JMY: variants seen among roughly 807,000 people sequenced by gnomAD.
JMY encodes junction-mediating and -regulatory protein.
In JMY, 46 loss-of-function variants were observed where a neutral mutation model predicts 103.3. The ratio of observed to expected loss-of-function variants is 0.45; its 90% CI spans 0.35 to 0.57. JMY has a LOEUF of 0.57. JMY is among the 20% of genes least tolerant of loss of function. The probability of loss-of-function intolerance (pLI) is 0.00; values close to 1 mark genes in which losing one functional copy is unlikely to be tolerated. For synonymous variants in JMY, 526 were observed against 489.3 expected (o/e 1.07, Z -0.99); for missense variants, 1,238 against 1,255.2 (o/e 0.99, Z 0.21).
chr5:79,277,203 G>A (rs1745966324), intron 1 of JMY, among the ~76,000 whole-genome samples: 2 of 152,128 alleles, frequency 1.3e-5, no homozygotes, highest in African/African-American at 4.8e-5. Flanking sequence ...TGAGGACCAG[G>A]ACCATGTTTT....
At chr5:79,244,457 G>A (rs973799509) in intron 1 of JMY, among the ~76,000 whole-genome samples, 2 of 152,168 alleles carry the variant, frequency 1.3e-5, no homozygotes, top group African/African-American at 4.8e-5. Context: ...AAATTGGTTT[G>A]TCAAACATAG....
intron 7 of JMY, among the ~76,000 whole-genome samples, chr5:79,311,145 CTTCT>C (rs1346220696): frequency 5.6e-5 from 7 of 125,036 alleles, no homozygotes; most frequent in African/African-American, 1.4e-4. Flanking sequence ...CCTACCACAC[CTTCT>C]TTTTTTTTTT....
In JMY at chr5:79,327,169, A is replaced by G. The variant is rs1001424443; in HGVS notation, c.*5567A>G. 2 of 150,790 alleles carry G rather than the reference A, an allele frequency of 1.3e-5. No homozygotes were observed. The highest frequency in any genetic ancestry group is 3.9e-4 in the East Asian group (2 of 5,144). The allele number at this position is 150,790 out of a possible 1,614,324, so 9.3% of individuals were successfully genotyped here. ...ACCTACAGTTTTGGTGCTTTTAACA[A>G]TATTCCTCTTTTTCTTTAATAAAGG... is the stretch of plus-strand genomic sequence containing the variant. On this transcript the variant is annotated 3_prime_UTR_variant, in exon 11 of 11. Transcript: ENST00000396137.
At position 79,258,309 on chromosome 5, in the gene JMY, TTGTTG is replaced by T. The variant is rs1561292540; in HGVS notation, c.1033-19599_1033-19595del. On this transcript the variant is annotated intron_variant, in intron 1 of 10. Transcript: ENST00000396137. ...TCAGATATTAGGGCTTTTTTTGTTT[TTGTTG>T]TTTTTTTTTTTTTTTTGACAGGGTC... Among the ~76,000 whole-genome samples, 21 of 82,650 alleles carry T rather than the reference TTGTTG, an allele frequency of 2.5e-4. 1 individual carries two copies. Among genetic ancestry groups the T allele is most frequent in the Non-Finnish European group, 3.1e-4 (10 of 32,122 alleles). The allele number at this position is 82,650 out of a possible 152,430, so 54.2% of individuals were successfully genotyped here.
At chr5:79,277,873 T>A (rs1289756278) in intron 1 of JMY, 37 bp from the exon 2 acceptor site, 1 of 1,579,364 alleles carries the variant, frequency 6.3e-7, no homozygotes, top group Admixed American at 1.7e-5. Context: ...GTTATTAGAA[T>A]TGATTTTCTT....
intron 1 of JMY, among the ~76,000 whole-genome samples, chr5:79,270,350 A>G (rs1745712411): frequency 7.1e-6 from 1 of 140,258 alleles, no homozygotes; most frequent in Non-Finnish European, 1.5e-5. Flanking sequence ...ATATATTTAC[A>G]TAAATATTTA....
intron 4 of JMY, among the ~76,000 whole-genome samples, chr5:79,294,523 A>T (rs1468142567): frequency 6.6e-6 from 1 of 152,178 alleles, no homozygotes; most frequent in African/African-American, 2.4e-5. Flanking sequence ...TTAACCAGAA[A>T]ACCCTTTAGA....
At position 79,265,160 on chromosome 5, in the gene JMY, G is replaced by A. The variant is rs375078771; in HGVS notation, c.1033-12750G>A. Among the ~76,000 whole-genome samples, 48 of 152,216 alleles carry A rather than the reference G, an allele frequency of 3.2e-4. 1 individual carries two copies. The South Asian group carries it at 9.1e-3, about 29-fold the overall frequency. ...AGGATGGTCTTGATCTCCTGACCTC[G>A]TGATCCGCCCGCCTTGGCCTCCCAA... On this transcript the variant is annotated intron_variant, in intron 1 of 10. Coordinates refer to ENST00000396137, the MANE Select transcript of JMY (RefSeq NM_152405.5).
intron 7 of JMY, among the ~76,000 whole-genome samples, chr5:79,310,293 T>C (rs1257248542): frequency 6.6e-6 from 1 of 152,064 alleles, no homozygotes; most frequent in Non-Finnish European, 1.5e-5. Flanking sequence ...ACTGCTGCCC[T>C]TGAGTTATCT....
At chr5:79,264,684 C>A (rs539776838) in intron 1 of JMY, among the ~76,000 whole-genome samples, 4 of 152,300 alleles carry the variant, frequency 2.6e-5, no homozygotes, top group Middle Eastern at 3.4e-3. Flanking sequence ...TGGAGAGAAA[C>A]TAGGCTGATT....
rs1421341816 is a variant in JMY at position 79,326,579 on chromosome 5, T to C, written c.*4977T>C. On this transcript the variant is annotated 3_prime_UTR_variant, in exon 11 of 11. Coordinates refer to ENST00000396137, the MANE Select transcript of JMY (RefSeq NM_152405.5). ...TTTCATTGAATTTCTCATTGTATTA[T>C]ATGTCTTTCCAAGTGTGCAAACTAT... is the stretch of plus-strand genomic sequence containing the variant. 2.0e-5 allele frequency: 3 copies of C among 152,102 alleles called. No individual in the cohort carries two copies. The highest frequency in any genetic ancestry group is 4.4e-5 in the Non-Finnish European group (3 of 67,932). 9.4% of individuals were successfully genotyped at this position (152,102 alleles called of 1,614,324 possible).
rs374027732 is a variant in JMY at position 79,302,428 on chromosome 5, T to A, written c.1881+1565T>A. Among the ~76,000 whole-genome samples the A allele has an allele frequency of 2.6e-5, 4 of 152,180 alleles. No individual in the cohort carries two copies. The East Asian group carries it at 7.7e-4, about 29-fold the overall frequency. On this transcript the variant is annotated intron_variant, in intron 6 of 10. Transcript: ENST00000396137. ...AGAGAAGGCAAACCAGGTGAACAGA[T>A]GAGTGTTCTGCCGGCCAAAAACAGC...
rs1267839778 is a variant in JMY at position 79,237,027 on chromosome 5, C to A, written c.377C>A (p.Pro126Gln). ...PRSTRSLLGD[P>Q]RLRSPGSKGA... Reference sequence around the variant, plus strand: ...AGCACTCGCAGCCTTCTGGGGGACCCGCGGCTGCGGAGTCCTGGCAGCAAA... The same window carrying A: ...AGCACTCGCAGCCTTCTGGGGGACCAGCGGCTGCGGAGTCCTGGCAGCAAA... Residue 126 changes from proline to glutamine, a missense_variant, in exon 1 of 11, where the codon CCG becomes CAG. Pro to Gln is a moderately conservative substitution (Grantham distance 76). Coordinates refer to ENST00000396137, the MANE Select transcript of JMY (RefSeq NM_152405.5). 2.1e-5 allele frequency: 31 copies of A among 1,501,868 alleles called. No individual in the cohort carries two copies. Among genetic ancestry groups the A allele is most frequent in the Non-Finnish European group, 2.8e-5 (31 of 1,123,652 alleles). 93.0% of individuals were successfully genotyped at this position (1,501,868 alleles called of 1,614,324 possible).
intron 1 of JMY, among the ~76,000 whole-genome samples, chr5:79,245,977 C>T (rs912590690): frequency 1.3e-5 from 2 of 152,078 alleles, no homozygotes; most frequent in Admixed American, 6.5e-5. Flanking sequence ...AATCGCAGCA[C>T]TTTTAATATT....
At chr5:79,300,566 A>G (rs1236287126) in intron 5 of JMY, 110 bp from the exon 6 acceptor site, 19 of 847,600 alleles carry the variant, frequency 2.2e-5, no homozygotes, top group Non-Finnish European at 3.2e-5. Context: ...AGCTTAAGAG[A>G]TAATGGCTTT....
intron 1 of JMY, among the ~76,000 whole-genome samples, chr5:79,265,303 A>AG (rs1352403700): frequency 2.0e-5 from 3 of 152,212 alleles, no homozygotes; most frequent in African/African-American, 7.2e-5. Flanking sequence ...AATTTATATA[A>AG]CTTCAGAGAT....
Position 79,321,624 on chromosome 5 carries a change from AAT to A in JMY, c.*25_*26del, listed in dbSNP as rs1309605668. The A allele has an allele frequency of 6.6e-6, 1 of 152,134 alleles. No individual in the cohort carries two copies. Among genetic ancestry groups the A allele is most frequent in the Non-Finnish European group, 1.5e-5 (1 of 68,022 alleles). 9.4% of individuals were successfully genotyped at this position (152,134 alleles called of 1,614,324 possible). On this transcript the variant is annotated 3_prime_UTR_variant, in exon 11 of 11. Transcript: ENST00000396137. The stretch of plus-strand genomic sequence containing the variant: ...TAAACAGGTGACATAACAGAAGAAA[AAT>A]ATCATTCAAGATTGGTTCTGATTCT...
At chr5:79,262,865 T>C (rs974854508) in intron 1 of JMY, among the ~76,000 whole-genome samples, 2 of 152,246 alleles carry the variant, frequency 1.3e-5, no homozygotes, top group African/African-American at 2.4e-5. Context: ...TGATATTCTG[T>C]CCTCAGTTAT....
rs1379015940 is a variant in JMY at position 79,237,282 on chromosome 5, C to T, written c.632C>T (p.Ala211Val). The change falls in exon 1 of 11, where the codon GCG becomes GTG. Residue 211 changes from alanine (A) to valine (V), a missense_variant. Ala to Val is a moderately conservative substitution (Grantham distance 64). Transcript: ENST00000396137. ...EDEAPLALSDAEQPPPATELE... is the reference protein window; with the variant it reads ...EDEAPLALSDVEQPPPATELE... ...GAGGCACCTCTGGCGCTCTCGGACG[C>T]GGAGCAGCCGCCGCCCGCCACCGAG... The T allele has an allele frequency of 1.9e-6, 3 of 1,554,102 alleles. No homozygotes were observed. The highest frequency in any genetic ancestry group is 2.6e-6 in the Non-Finnish European group (3 of 1,148,830).
Sources: gnomAD v4.1 joint callset for allele counts (sites outside exome capture counted in the v4.1 genomes callset) on GRCh38, gnomAD v4.1.1 for gene constraint, MANE v1.5 for transcripts, NCBI Gene and HGNC (gene_info 2026-07-23, HGNC 2026-07-21) for gene names.